Variants in TFEB observed in about 807,000 individuals in gnomAD.
TFEB encodes T-cell transcription factor EB.
Under a neutral mutation model 48.0 loss-of-function variants are expected in TFEB, and 12 were observed. The ratio of observed to expected loss-of-function variants is 0.25; its 90% CI spans 0.16 to 0.40. The LOEUF is 0.40. Ranked by LOEUF, TFEB falls within the 10% of genes least tolerant of loss-of-function variation. The pLI, the probability that TFEB is intolerant of heterozygous loss-of-function variation, is 1.00. For missense variants in TFEB, 509 were observed against 640.3 expected (o/e 0.79, Z 2.21); for synonymous variants, 244 against 261.4 (o/e 0.93, Z 0.64).
intron 1 of TFEB, among the ~76,000 whole-genome samples, chr6:41,718,778 C>A (rs1338443565): frequency 1.3e-5 from 2 of 152,014 alleles, no homozygotes; most frequent in African/African-American, 2.4e-5. Flanking sequence ...TTGGAGCCAC[C>A]AACTCAAATG....
intron 1 of TFEB, among the ~76,000 whole-genome samples, chr6:41,702,334 G>A (rs1294384676): frequency 2.0e-5 from 3 of 152,208 alleles, no homozygotes; most frequent in Non-Finnish European, 2.9e-5. Context: ...AGCCTGGGTC[G>A]GAGGGGGCGG....
chr6:41,714,484 C>T lies in TFEB; in HGVS notation c.-23+20866G>A, dbSNP rs115895096. 5.3e-3 allele frequency among the ~76,000 whole-genome samples: 809 copies of T among 152,120 alleles called. 8 individuals carry two copies. The highest frequency in any genetic ancestry group is 0.019 in the African/African-American group (777 of 41,472). The stretch of plus-strand genomic sequence containing the variant: ...GAGGATGGGGAAGAGGGAGCAGGGG[C>T]GAGAAGGAAGAAAAGGGAGGCGAGG... On this transcript the variant is annotated intron_variant, in intron 1 of 8. Transcript: ENST00000373033.
At position 41,709,106 on chromosome 6, in the gene TFEB, A is replaced by C. The variant is rs368474214; in HGVS notation, c.-22-17871T>G. On this transcript the variant is annotated intron_variant, in intron 1 of 8. Transcript: ENST00000373033. ...TGCCCCCAGGCTGCTCCTAGGATAGAGCTATAGAGCTCCAGCATTCCAGAA... is the reference window on the plus strand; with the variant it reads ...TGCCCCCAGGCTGCTCCTAGGATAGCGCTATAGAGCTCCAGCATTCCAGAA... 4.4e-4 allele frequency among the ~76,000 whole-genome samples: 67 copies of C among 152,356 alleles called. No individual in the cohort carries two copies. In the South Asian group the frequency reaches 8.1e-3, roughly 18 times the overall value.
chr6:41,686,051 G>T (rs749693496), intron 8 of TFEB, 39 bp downstream of exon 8: 1 of 1,613,578 alleles, frequency 6.2e-7, no homozygotes, highest in African/African-American at 1.3e-5. Context: ...CCAGGTTAAG[G>T]GTCAGAGTTA....
At chr6:41,693,375 A>G (rs1769407720) in intron 1 of TFEB, among the ~76,000 whole-genome samples, 1 of 152,226 alleles carries the variant, frequency 6.6e-6, no homozygotes, top group Non-Finnish European at 1.5e-5. Flanking sequence ...AGTTCTGCAT[A>G]TTACTCTCCT....
At chr6:41,718,891 T>C (rs1436320362) in intron 1 of TFEB, among the ~76,000 whole-genome samples, 1 of 152,168 alleles carries the variant, frequency 6.6e-6, no homozygotes, top group African/African-American at 2.4e-5. Flanking sequence ...CTGACAGCTC[T>C]GGAGATTCAA....
chr6:41,687,778 C>A lies in TFEB; in HGVS notation c.702G>T (p.Arg234=). ...DAESRALAKE[R]QKKDNHNLIE... ...TTAAGTTGTGATTGTCTTTCTTCTG[C>A]CGCTCCTTGGCCAGGGCCCTGCTCT... is the stretch of plus-strand genomic sequence containing the variant. Residue 234 remains arginine, a synonymous_variant, in exon 6 of 9, where the codon CGG becomes CGT. Transcript: ENST00000373033. 1.2e-6 allele frequency: 2 copies of A among 1,614,082 alleles called. No individual in the cohort carries two copies. Among genetic ancestry groups the A allele is most frequent in the Non-Finnish European group, 1.7e-6 (2 of 1,179,978 alleles).
chr6:41,731,165 C>A (rs1771433623), intron 1 of TFEB, among the ~76,000 whole-genome samples: 1 of 152,184 alleles, frequency 6.6e-6, no homozygotes. Flanking sequence ...TCAGCCCTCA[C>A]GACAGCACTA....
chr6:41,697,409 A>AAAAAAAAAAAG (rs1491419510), intron 1 of TFEB, among the ~76,000 whole-genome samples: 1 of 42,556 alleles, frequency 2.3e-5, no homozygotes, highest in African/African-American at 7.7e-5. Flanking sequence ...ACTCCATCTC[A>AAAAAAAAAAAG]AAAAAAAAAA....
At chr6:41,704,987 G>C (rs940176151) in intron 1 of TFEB, among the ~76,000 whole-genome samples, 5 of 152,202 alleles carry the variant, frequency 3.3e-5, no homozygotes, top group Non-Finnish European at 1.5e-5. Context: ...ATGGTTACCA[G>C]TGGAAAAGCA....
chr6:41,689,282 C>G (rs1325858571), intron 4 of TFEB, among the ~76,000 whole-genome samples: 4 of 152,134 alleles, frequency 2.6e-5, no homozygotes, highest in Non-Finnish European at 5.9e-5. Context: ...AGATCACTTG[C>G]CCCATGGAGT....
chr6:41,694,995 C>T (rs951664788), intron 1 of TFEB, among the ~76,000 whole-genome samples: 6 of 152,194 alleles, frequency 3.9e-5, no homozygotes, highest in African/African-American at 1.4e-4. Flanking sequence ...CTGCTGTCCA[C>T]CCACAGCCTC....
intron 1 of TFEB, among the ~76,000 whole-genome samples, chr6:41,697,408 C>CAAACAAAAAAAAA (rs1769651714): frequency 1.6e-5 from 1 of 63,520 alleles, no homozygotes. Flanking sequence ...AACTCCATCT[C>CAAACAAAAAAAAA]AAAAAAAAAA....
chr6:41,722,389 A>C (rs951296011), intron 1 of TFEB, among the ~76,000 whole-genome samples: 1 of 152,222 alleles, frequency 6.6e-6, no homozygotes, highest in African/African-American at 2.4e-5. Flanking sequence ...CACAGGCTGC[A>C]AGGCCAGCCC....
intron 8 of TFEB, 64 bp downstream of exon 8, chr6:41,686,026 C>T (rs1768979757): frequency 6.2e-7 from 1 of 1,606,572 alleles, no homozygotes; most frequent in Admixed American, 1.7e-5. Context: ...AAGTACTGCC[C>T]CTTAGGGCCA....
chr6:41,684,485 G>T lies in TFEB; in HGVS notation c.*114C>A, dbSNP rs1031253504. 1 of 1,295,152 alleles carries T rather than the reference G, an allele frequency of 7.7e-7. No homozygotes were observed. The highest frequency in any genetic ancestry group is 3.4e-5 in the Admixed American group (1 of 29,594). 80.2% of individuals were successfully genotyped at this position (1,295,152 alleles called of 1,614,324 possible). On this transcript the variant is annotated 3_prime_UTR_variant, in exon 9 of 9. Coordinates refer to ENST00000373033, the MANE Select transcript of TFEB (RefSeq NM_001271944.2). ...ACAGGGGCCAACGGGGAGGAGGGAGGCAGGGCAGGTGGCTACTTCACACAC... is the reference window on the plus strand; with the variant it reads ...ACAGGGGCCAACGGGGAGGAGGGAGTCAGGGCAGGTGGCTACTTCACACAC...
intron 1 of TFEB, among the ~76,000 whole-genome samples, chr6:41,701,745 G>A (rs1769935273): frequency 2.0e-5 from 3 of 152,228 alleles, no homozygotes; most frequent in South Asian, 4.1e-4. Context: ...AGGAGTTCGA[G>A]ACCAGCCTGG....
chr6:41,726,163 C>T (rs887691196), intron 1 of TFEB, among the ~76,000 whole-genome samples: 6 of 152,114 alleles, frequency 3.9e-5, no homozygotes, highest in Non-Finnish European at 8.8e-5. Flanking sequence ...TACGGCTATA[C>T]ACAACATAAG....
chr6:41,686,475 C>CA (rs34567601), intron 7 of TFEB: 279,555 of 390,354 alleles, frequency 0.72, 103,447 homozygotes, highest in African/African-American at 0.84. Context: ...GCCTCCTTCC[C>CA]AGACTACCAA....
Sources: gnomAD v4.1 joint callset for allele counts (sites outside exome capture counted in the v4.1 genomes callset) on GRCh38, gnomAD v4.1.1 for gene constraint, MANE v1.5 for transcripts, NCBI Gene and HGNC (gene_info 2026-07-23, HGNC 2026-07-21) for gene names.